Variants in LARS2 observed in about 807,000 individuals in gnomAD.
LARS2 encodes leucine--tRNA ligase, mitochondrial.
Under a neutral mutation model 116.6 loss-of-function variants are expected in LARS2, and 81 were observed. That is an observed-to-expected ratio of 0.69 (90% confidence interval 0.58 to 0.84). LARS2 has a LOEUF of 0.84. Ranked by LOEUF, LARS2 falls within the 40% of genes least tolerant of loss-of-function variation. The pLI is 0.00. For synonymous variants in LARS2, 396 were observed against 407.2 expected (o/e 0.97, Z 0.33); for missense variants, 968 against 1,114.5 (o/e 0.87, Z 1.87).
chr3:45,414,611 T>A (rs1005979626), intron 4 of LARS2, among the ~76,000 whole-genome samples: 2 of 152,142 alleles, frequency 1.3e-5, no homozygotes, highest in Non-Finnish European at 2.9e-5. Context: ...GGCTCATGCC[T>A]GTAATCCTGG....
chr3:45,544,044 G>A (rs1018423242), intron 21 of LARS2, among the ~76,000 whole-genome samples: 27 of 152,244 alleles, frequency 1.8e-4, no homozygotes, highest in African/African-American at 6.0e-4. Context: ...CCCAGGCTGG[G>A]TCAGCACCGT....
chr3:45,394,221 T>A (rs1698006176), intron 2 of LARS2, among the ~76,000 whole-genome samples: 1 of 152,238 alleles, frequency 6.6e-6, no homozygotes, highest in South Asian at 2.1e-4. Context: ...TTTTTGCATC[T>A]TTGATGTTAG....
At chr3:45,424,135 T>C (rs1336698842) in intron 6 of LARS2, among the ~76,000 whole-genome samples, 1 of 138,060 alleles carries the variant, frequency 7.2e-6, no homozygotes, top group Non-Finnish European at 1.6e-5. Flanking sequence ...AGTTTTTAGA[T>C]GTAATCATTT....
At chr3:45,459,486 C>T (rs1699275778) in intron 8 of LARS2, among the ~76,000 whole-genome samples, 1 of 152,124 alleles carries the variant, frequency 6.6e-6, no homozygotes, top group Non-Finnish European at 1.5e-5. Context: ...GGTTCTTGGG[C>T]CTTAGTTTTC....
At chr3:45,545,975 A>T (rs913588897) in intron 21 of LARS2, among the ~76,000 whole-genome samples, 2 of 151,836 alleles carry the variant, frequency 1.3e-5, no homozygotes, top group Admixed American at 6.6e-5. Flanking sequence ...AAAAAAAAAA[A>T]ACTAAGCTCA....
Position 45,516,117 on chromosome 3 carries a change from A to G in LARS2, c.1885A>G (p.Thr629Ala). 1.9e-6 allele frequency: 3 copies of G among 1,614,136 alleles called. No homozygotes were observed. The highest frequency in any genetic ancestry group is 2.5e-6 in the Non-Finnish European group (3 of 1,180,002). The change falls in exon 17 of 22, where the codon ACG (threonine) becomes GCG (alanine). Residue 629 changes from threonine (T) to alanine (A), a missense_variant. By Grantham distance (58) the Thr-to-Ala change is moderately conservative. Transcript: ENST00000645846. ...LTGSVPVHAK[T>A]KEKLEVTWEK... ...AGGTTCCGTTCCTGTTCATGCAAAAACGAAAGAGAAGTTAGAGGTGACGTG... is the reference window on the plus strand; with the variant it reads ...AGGTTCCGTTCCTGTTCATGCAAAAGCGAAAGAGAAGTTAGAGGTGACGTG...
chr3:45,473,645 A>ATTAC (rs2125717941), intron 8 of LARS2, among the ~76,000 whole-genome samples: 1 of 149,980 alleles, frequency 6.7e-6, no homozygotes, highest in East Asian at 1.9e-4. Flanking sequence ...CAGCCTGCCA[A>ATTAC]AGTGCTGATA....
rs1559475882 is a variant in LARS2, at chr3:45,458,856, A to AC, written c.720_721insC (p.Trp241LeufsTer4). The AC allele has an allele frequency of 1.2e-6, 2 of 1,614,000 alleles. No individual in the cohort carries two copies. Among genetic ancestry groups the AC allele is most frequent in the Non-Finnish European group, 1.7e-6 (2 of 1,179,920 alleles). On this transcript the variant is annotated frameshift_variant, in exon 8 of 22. Coordinates refer to ENST00000645846, the MANE Select transcript of LARS2 (RefSeq NM_015340.4). LOFTEE classifies it high-confidence loss of function. Reference sequence around the variant, plus strand: ...AGGTGGAACAGAAGTACCTCAGACAATGGTTTATTAAGACAACCGCTTATG... The same window carrying AC: ...AGGTGGAACAGAAGTACCTCAGACAACTGGTTTATTAAGACAACCGCTTATG...
At chr3:45,443,941 A>C (rs976785176) in intron 6 of LARS2, among the ~76,000 whole-genome samples, 10 of 151,226 alleles carry the variant, frequency 6.6e-5, no homozygotes, top group African/African-American at 2.4e-4. Flanking sequence ...TACAGGTTTG[A>C]CTGAAAGTAG....
chr3:45,537,679 G>A (rs951560825), intron 20 of LARS2, among the ~76,000 whole-genome samples: 5 of 152,166 alleles, frequency 3.3e-5, no homozygotes, highest in African/African-American at 7.2e-5. Flanking sequence ...ATCGGACGCC[G>A]CAGAGTCCCT....
chr3:45,534,425 C>G (rs977304402), intron 20 of LARS2, among the ~76,000 whole-genome samples: 2 of 152,216 alleles, frequency 1.3e-5, no homozygotes, highest in African/African-American at 2.4e-5. Context: ...CTCAGACTGT[C>G]AAGTCATTCC....
chr3:45,511,940 C>T (rs1305050986), intron 15 of LARS2, among the ~76,000 whole-genome samples: 1 of 151,880 alleles, frequency 6.6e-6, no homozygotes. Flanking sequence ...CACACCTGGC[C>T]AACTTTTTGT....
At chr3:45,470,044 T>C (rs1699494810) in intron 8 of LARS2, among the ~76,000 whole-genome samples, 1 of 152,232 alleles carries the variant, frequency 6.6e-6, no homozygotes, top group Non-Finnish European at 1.5e-5. Context: ...TTATCCACCC[T>C]TCCCTTAGTA....
At chr3:45,477,375 C>T (rs773729260) in intron 10 of LARS2, among the ~76,000 whole-genome samples, 2 of 152,180 alleles carry the variant, frequency 1.3e-5, no homozygotes, top group Non-Finnish European at 2.9e-5. Context: ...CAGACAGTCC[C>T]CTGAGTGCCA....
At position 45,547,650 on chromosome 3, in the gene LARS2, C is replaced by A; in HGVS notation, c.*120C>A. 1 of 941,582 alleles carries A rather than the reference C, an allele frequency of 1.1e-6. No homozygotes were observed. The highest frequency in any genetic ancestry group is 1.6e-6 in the Non-Finnish European group (1 of 628,300). 58.3% of individuals were successfully genotyped at this position (941,582 alleles called of 1,614,324 possible). ...AAAGACAAATGTCTTGACTGTTGAC[C>A]TCGGTCCTGTGGCAGACTGCAGTCA... is the stretch of plus-strand genomic sequence containing the variant. On this transcript the variant is annotated 3_prime_UTR_variant, in exon 22 of 22. Transcript: ENST00000645846.
intron 14 of LARS2, 49 bp downstream of exon 14, chr3:45,496,422 C>T (rs1700012306): frequency 7.3e-7 from 1 of 1,368,802 alleles, no homozygotes; most frequent in African/African-American, 1.4e-5. Flanking sequence ...TGTGGCTCCT[C>T]CTAGAAGCAA....
At chr3:45,415,670 A>G (rs1698400976) in intron 4 of LARS2, among the ~76,000 whole-genome samples, 1 of 152,046 alleles carries the variant, frequency 6.6e-6, no homozygotes. Flanking sequence ...CAACATAGCA[A>G]AACCCCATCT....
At chr3:45,542,461 C>T (rs912405200) in intron 21 of LARS2, among the ~76,000 whole-genome samples, 4 of 152,116 alleles carry the variant, frequency 2.6e-5, no homozygotes, top group Non-Finnish European at 5.9e-5. Flanking sequence ...TTTCTAAGAG[C>T]AAGTAACCCC....
chr3:45,536,949 T>C lies in LARS2; in HGVS notation c.2405-4880T>C, dbSNP rs181799379. 1.7e-4 allele frequency among the ~76,000 whole-genome samples: 26 copies of C among 152,268 alleles called. 1 individual carries two copies. The highest frequency in any genetic ancestry group is 5.9e-5 in the Non-Finnish European group (4 of 68,020). ...GTTCTGTATCAACACTATTCCATTC[T>C]TTTTTTAACAGAGATAGGGTGTCCT... is the stretch of plus-strand genomic sequence containing the variant. On this transcript the variant is annotated intron_variant, in intron 20 of 21. Transcript: ENST00000645846.
Sources: gnomAD v4.1 joint callset for allele counts (sites outside exome capture counted in the v4.1 genomes callset) on GRCh38, gnomAD v4.1.1 for gene constraint, MANE v1.5 for transcripts, NCBI Gene and HGNC (gene_info 2026-07-23, HGNC 2026-07-21) for gene names.